LRRC52: variants seen among roughly 807,000 people sequenced by gnomAD.
The protein encoded by LRRC52 is leucine-rich repeat-containing protein 52.
A neutral mutation model predicts 14.7 loss-of-function variants in LRRC52; 15 were observed. The observed-to-expected ratio is 1.02, with a 90% CI of 0.68 to 1.58. The LOEUF (loss-of-function observed/expected upper bound fraction) is 1.58, where lower values mean the gene tolerates loss of function less well. LRRC52 is among the 40% of genes most tolerant of loss of function. The pLI is 0.00. For missense variants in LRRC52, 400 were observed against 387.7 expected (o/e 1.03, Z -0.27); for synonymous variants, 180 against 163.9 (o/e 1.10, Z -0.75).
At chr1:165,557,401 T>C (rs1345639690) in intron 1 of LRRC52, among the ~76,000 whole-genome samples, 1 of 152,198 alleles carries the variant, frequency 6.6e-6, no homozygotes, top group Non-Finnish European at 1.5e-5. Flanking sequence ...ACCTATGGTA[T>C]TCTACCACTC....
intron 1 of LRRC52, among the ~76,000 whole-genome samples, chr1:165,559,528 TA>T (rs1399993707): frequency 2.0e-5 from 3 of 152,162 alleles, no homozygotes; most frequent in African/African-American, 7.2e-5. Context: ...TAGATGTTTA[TA>T]AATAAAAAGT....
At chr1:165,560,518 C>G (rs1443512065) in intron 1 of LRRC52, among the ~76,000 whole-genome samples, 2 of 152,178 alleles carry the variant, frequency 1.3e-5, no homozygotes, top group Non-Finnish European at 2.9e-5. Context: ...AAATAACCAT[C>G]ATGCAAGATA....
At chr1:165,555,770 A>G (rs1661221687) in intron 1 of LRRC52, among the ~76,000 whole-genome samples, 1 of 152,218 alleles carries the variant, frequency 6.6e-6, no homozygotes, top group Admixed American at 6.5e-5. Context: ...GAAGCAAACA[A>G]TTTCTGCCTG....
At chr1:165,551,934 T>C (rs1315442843) in intron 1 of LRRC52, among the ~76,000 whole-genome samples, 1 of 148,364 alleles carries the variant, frequency 6.7e-6, no homozygotes, top group East Asian at 2.0e-4. Context: ...TGCTTACCCA[T>C]GTCCTCCATC....
intron 1 of LRRC52, among the ~76,000 whole-genome samples, chr1:165,559,773 A>G (rs988289601): frequency 1.3e-5 from 2 of 152,236 alleles, no homozygotes; most frequent in African/African-American, 4.8e-5. Context: ...CAAACTTCTA[A>G]TAAAGATCAA....
chr1:165,552,923 TA>T (rs1477466308), intron 1 of LRRC52, among the ~76,000 whole-genome samples: 1 of 152,076 alleles, frequency 6.6e-6, no homozygotes, highest in Non-Finnish European at 1.5e-5. Flanking sequence ...TTTGCTGACA[TA>T]AACACACTTG....
chr1:165,552,210 C>G (rs986754892), intron 1 of LRRC52, among the ~76,000 whole-genome samples: 1 of 152,082 alleles, frequency 6.6e-6, no homozygotes, highest in Non-Finnish European at 1.5e-5. Flanking sequence ...AATTGGGATC[C>G]CTGAGAGTAG....
chr1:165,554,282 T>C (rs1661190012), intron 1 of LRRC52, among the ~76,000 whole-genome samples: 1 of 151,972 alleles, frequency 6.6e-6, no homozygotes, highest in Admixed American at 6.6e-5. Flanking sequence ...TAAAGCAATG[T>C]GGGTTTGCAG....
At chr1:165,552,873 A>G (rs1219849826) in intron 1 of LRRC52, among the ~76,000 whole-genome samples, 1 of 152,192 alleles carries the variant, frequency 6.6e-6, no homozygotes, top group East Asian at 1.9e-4. Context: ...GGAAAAATCA[A>G]TGGTAGCTCC....
intron 1 of LRRC52, among the ~76,000 whole-genome samples, chr1:165,559,789 C>G (rs912553158): frequency 6.6e-6 from 1 of 152,104 alleles, no homozygotes; most frequent in African/African-American, 2.4e-5. Flanking sequence ...ATCAAAAAAC[C>G]CTTCTAATAT....
rs538053737 is a variant in LRRC52, at chr1:165,552,090, T to C, written c.622+7172T>C. Among the ~76,000 whole-genome samples, 12 of 151,624 alleles carry C rather than the reference T, an allele frequency of 7.9e-5. No homozygotes were observed. The South Asian group carries it at 1.3e-3, about 16-fold the overall frequency. ...AGGAGGGGGCTGAGAGGGGTGCAAC[T>C]GAGTCAGTGATCCCTAAGCCACCCA... On this transcript the variant is annotated intron_variant, in intron 1 of 1. Coordinates refer to ENST00000294818, the MANE Select transcript of LRRC52 (RefSeq NM_001005214.4).
chr1:165,549,973 G>T (rs1661098392), intron 1 of LRRC52, among the ~76,000 whole-genome samples: 1 of 152,120 alleles, frequency 6.6e-6, no homozygotes. Context: ...AAACACGAAA[G>T]TTACAGCAGA....
intron 1 of LRRC52, among the ~76,000 whole-genome samples, chr1:165,561,817 T>G (rs1557967978): frequency 1.3e-5 from 2 of 152,252 alleles, no homozygotes. Flanking sequence ...GTAGGTGCAT[T>G]GATACAGAAG....
intron 1 of LRRC52, among the ~76,000 whole-genome samples, chr1:165,551,641 G>C (rs1183682126): frequency 2.6e-5 from 4 of 152,160 alleles, no homozygotes; most frequent in African/African-American, 9.7e-5. Flanking sequence ...CATCAGAGGA[G>C]CTTGAGCAAG....
intron 1 of LRRC52, among the ~76,000 whole-genome samples, chr1:165,562,110 A>G (rs1319933020): frequency 6.6e-6 from 1 of 152,232 alleles, no homozygotes; most frequent in African/African-American, 2.4e-5. Context: ...AAGCAAGCTC[A>G]CACTGGCTTT....
rs1231127334 is a variant in LRRC52, at chr1:165,544,748, C to T, written c.452C>T (p.Ser151Phe). ...LHKFTFANTT[S>F]LRYLDLRNTG... is the part of the protein sequence containing the mutation. ...AAGTTCACCTTTGCCAACACCACCT[C>T]TTTGAGGTACCTGGACCTCAGAAAT... Residue 151 changes from serine (S) to phenylalanine (F), a missense_variant, in exon 1 of 2, where the codon TCT becomes TTT. By Grantham distance (155) the Ser-to-Phe change is radical. Coordinates refer to ENST00000294818, the MANE Select transcript of LRRC52 (RefSeq NM_001005214.4). 1.2e-6 allele frequency: 2 copies of T among 1,614,146 alleles called. No homozygotes were observed. The highest frequency in any genetic ancestry group is 1.1e-5 in the South Asian group (1 of 91,072).
At chr1:165,548,967 A>G (rs996729458) in intron 1 of LRRC52, among the ~76,000 whole-genome samples, 5 of 152,184 alleles carry the variant, frequency 3.3e-5, no homozygotes, top group Non-Finnish European at 7.4e-5. Flanking sequence ...GTCTAGAAAT[A>G]TGACTATAGA....
chr1:165,547,407 T>C lies in LRRC52; in HGVS notation c.622+2489T>C, dbSNP rs571095999. 1.2e-4 allele frequency among the ~76,000 whole-genome samples: 18 copies of C among 152,330 alleles called. 1 individual carries two copies. Among genetic ancestry groups the C allele is most frequent in the African/African-American group, 2.4e-4 (10 of 41,570 alleles). ...GGAAATGATCTTGAGATCATTTTCA[T>C]TGGATAATAAGCACTAACCGTCATA... On this transcript the variant is annotated intron_variant, in intron 1 of 1. Transcript: ENST00000294818.
At position 165,562,649 on chromosome 1, in the gene LRRC52, G is replaced by C. The variant is rs371623162; in HGVS notation, c.623-856G>C. On this transcript the variant is annotated intron_variant, in intron 1 of 1. Transcript: ENST00000294818. ...CAAAATTAGCAAGTAACAGAATCTGGATTAGAAGCCTGGCCTGTCTAGCTC... is the reference window on the plus strand; with the variant it reads ...CAAAATTAGCAAGTAACAGAATCTGCATTAGAAGCCTGGCCTGTCTAGCTC... 8.0e-5 allele frequency among the ~76,000 whole-genome samples: 12 copies of C among 150,766 alleles called. 1 individual carries two copies. The East Asian group carries it at 1.9e-3, about 24-fold the overall frequency.
Sources: gnomAD v4.1 joint callset for allele counts (sites outside exome capture counted in the v4.1 genomes callset) on GRCh38, gnomAD v4.1.1 for gene constraint, MANE v1.5 for transcripts, NCBI Gene and HGNC (gene_info 2026-07-23, HGNC 2026-07-21) for gene names.